The following CCDC149 variants were observed in gnomAD, a reference collection of about 807,000 sequenced individuals.
CCDC149 encodes the protein coiled-coil domain-containing protein 149.
Under a neutral mutation model 59.9 loss-of-function variants are expected in CCDC149, and 45 were observed. The ratio of observed to expected loss-of-function variants is 0.75; its 90% CI spans 0.59 to 0.96. CCDC149 has a LOEUF of 0.96. Among genes scored for constraint, CCDC149 ranks in the 40% least tolerant of loss-of-function variants. The probability of loss-of-function intolerance (pLI) is 0.00; values close to 1 mark genes in which losing one functional copy is unlikely to be tolerated. For synonymous variants in CCDC149, 245 were observed against 260.6 expected, an observed-to-expected ratio of 0.94 and a Z score of 0.58; for missense variants, 584 against 664.7, an observed-to-expected ratio of 0.88 and a Z score of 1.33.
intron 1 of CCDC149, among the ~76,000 whole-genome samples, chr4:24,919,969 A>G (rs116080034): frequency 3.2e-3 from 487 of 152,368 alleles, no homozygotes; most frequent in African/African-American, 0.011. Flanking sequence ...AGAGGCCCAG[A>G]GAGATAAAGC....
chr4:24,972,545 C>G (rs933676105), intron 1 of CCDC149, among the ~76,000 whole-genome samples: 2 of 152,022 alleles, frequency 1.3e-5, no homozygotes, highest in African/African-American at 4.8e-5. Context: ...TGAGCTAAAG[C>G]AAGCCGCTCC....
At chr4:24,877,480 G>T (rs192012702) in intron 1 of CCDC149, among the ~76,000 whole-genome samples, 69 of 151,954 alleles carry the variant, frequency 4.5e-4, no homozygotes, top group Non-Finnish European at 7.2e-4. Flanking sequence ...CACCATGCCT[G>T]GCCCATGTAG....
intron 1 of CCDC149, among the ~76,000 whole-genome samples, chr4:24,933,435 G>A (rs1199072759): frequency 6.6e-6 from 1 of 152,110 alleles, no homozygotes; most frequent in Non-Finnish European, 1.5e-5. Context: ...TGATTTAAAA[G>A]GCAAAAGTAA....
At position 24,965,158 on chromosome 4, in the gene CCDC149, G is replaced by A. The variant is rs142584706; in HGVS notation, c.-65+14911C>T. Among the ~76,000 whole-genome samples, 275 of 151,040 alleles carry A rather than the reference G, an allele frequency of 1.8e-3. 3 individuals are homozygous for A. The highest frequency in any genetic ancestry group is 2.5e-3 in the Non-Finnish European group (172 of 67,982). On this transcript the variant is annotated intron_variant, in intron 1 of 12. Coordinates refer to the CCDC149 transcript ENST00000389609. Reference sequence around the variant, plus strand: ...ATAAAATTGGGGATAAATAAAACATGGTACTATATTAGAAGCAATAGATTA... The same window carrying A: ...ATAAAATTGGGGATAAATAAAACATAGTACTATATTAGAAGCAATAGATTA...
intron 3 of CCDC149, among the ~76,000 whole-genome samples, chr4:24,854,888 C>T (rs1479995861): frequency 1.3e-5 from 2 of 152,182 alleles, no homozygotes; most frequent in Non-Finnish European, 1.5e-5. Flanking sequence ...TTCACTTCCT[C>T]ACCTCCTTCA....
At chr4:24,977,088 C>T (rs1043414159) in intron 1 of CCDC149, among the ~76,000 whole-genome samples, 1 of 152,194 alleles carries the variant, frequency 6.6e-6, no homozygotes, top group African/African-American at 2.4e-5. Flanking sequence ...ATTATTTCCC[C>T]TTTCTTTGGG....
intron 1 of CCDC149, among the ~76,000 whole-genome samples, chr4:24,926,823 C>T (rs1396012662): frequency 5.3e-5 from 8 of 152,174 alleles, no homozygotes; most frequent in Admixed American, 5.2e-4. Flanking sequence ...AATCGCATGT[C>T]TGGCACCTGG....
intron 4 of CCDC149, among the ~76,000 whole-genome samples, chr4:24,850,506 A>C (rs931889703): frequency 6.6e-6 from 1 of 152,156 alleles, no homozygotes; most frequent in Non-Finnish European, 1.5e-5. Flanking sequence ...AGCAGGCACA[A>C]AGGTCCTGTG....
chr4:24,871,133 T>C (rs1719018052), intron 3 of CCDC149, among the ~76,000 whole-genome samples: 1 of 151,932 alleles, frequency 6.6e-6, no homozygotes, highest in African/African-American at 2.4e-5. Context: ...AGATCAAACC[T>C]GGAGCATTAT....
chr4:24,851,811 C>A (rs992230902), intron 4 of CCDC149, among the ~76,000 whole-genome samples: 1 of 152,052 alleles, frequency 6.6e-6, no homozygotes, highest in African/African-American at 2.4e-5. Context: ...GACCAAACAC[C>A]TAGGTTACGG....
At chr4:24,863,817 C>A (rs1198504502) in intron 3 of CCDC149, among the ~76,000 whole-genome samples, 1 of 152,214 alleles carries the variant, frequency 6.6e-6, no homozygotes. Flanking sequence ...CCTGCACTTA[C>A]CTATTTAGGA....
intron 1 of CCDC149, among the ~76,000 whole-genome samples, chr4:24,886,310 T>A (rs1379776594): frequency 6.6e-6 from 1 of 152,172 alleles, no homozygotes; most frequent in Non-Finnish European, 1.5e-5. Context: ...AACCACCAGG[T>A]CTTGTTGCAG....
intron 1 of CCDC149, among the ~76,000 whole-genome samples, chr4:24,889,234 A>G (rs551474331): frequency 4.9e-4 from 75 of 152,228 alleles, no homozygotes; most frequent in African/African-American, 1.8e-3. Context: ...TCCACTAACT[A>G]TGCCCCTGTC....
At chr4:24,832,242 C>T (rs1716200627) in intron 8 of CCDC149, among the ~76,000 whole-genome samples, 1 of 152,194 alleles carries the variant, frequency 6.6e-6, no homozygotes, top group Admixed American at 6.5e-5. Context: ...AATGATTTCA[C>T]AGGTGCTACC....
At chr4:24,968,782 G>A (rs1051581902) in intron 1 of CCDC149, among the ~76,000 whole-genome samples, 1 of 152,228 alleles carries the variant, frequency 6.6e-6, no homozygotes, top group African/African-American at 2.4e-5. Context: ...AATCTGCACC[G>A]ATAGCTGGGT....
chr4:24,952,365 G>T (rs1229317633), intron 1 of CCDC149, among the ~76,000 whole-genome samples: 1 of 151,804 alleles, frequency 6.6e-6, no homozygotes, highest in Non-Finnish European at 1.5e-5. Flanking sequence ...GCCAAGGCAG[G>T]AGGATCACTT....
chr4:24,804,129 G>C (rs1714007292), downstream of CCDC149, among the ~76,000 whole-genome samples: 1 of 152,146 alleles, frequency 6.6e-6, no homozygotes, highest in Non-Finnish European at 1.5e-5. Flanking sequence ...TATTGCTAAG[G>C]AGGAGGAGTG....
At chr4:24,913,355 A>G (rs1391918266), upstream of CCDC149, among the ~76,000 whole-genome samples, 8 of 152,214 alleles carry the variant, frequency 5.3e-5, no homozygotes, top group Non-Finnish European at 1.2e-4. Context: ...CCCCGAGGGC[A>G]GGGGTTTCCT....
At chr4:24,899,573 G>A (rs1721040643) in intron 1 of CCDC149, among the ~76,000 whole-genome samples, 1 of 152,162 alleles carries the variant, frequency 6.6e-6, no homozygotes, top group Non-Finnish European at 1.5e-5. Context: ...ATCAGGGGCA[G>A]TGAAGCTGTG....
Sources: gnomAD v4.1 joint callset for allele counts (sites outside exome capture counted in the v4.1 genomes callset) on GRCh38, gnomAD v4.1.1 for gene constraint, MANE v1.5 for transcripts, NCBI Gene and HGNC (gene_info 2026-07-23, HGNC 2026-07-21) for gene names.